CLASP2: variants seen among roughly 807,000 people sequenced by gnomAD.
The protein encoded by CLASP2 is cytoplasmic linker associated protein 2.
In CLASP2, 47 loss-of-function variants were observed where a neutral mutation model predicts 194.4. That is an observed-to-expected ratio of 0.24 (90% CI 0.19 to 0.31). CLASP2 has a LOEUF of 0.31. CLASP2 is among the 10% of genes least tolerant of loss of function. CLASP2 has a pLI of 1.00. For synonymous variants in CLASP2, 619 were observed against 633.5 expected, an observed-to-expected ratio of 0.98 and a Z score of 0.34; for missense variants, 1,445 against 1,823.6, an observed-to-expected ratio of 0.79 and a Z score of 3.78.
intron 1 of CLASP2, among the ~76,000 whole-genome samples, chr3:33,698,427 G>A (rs1025254726): frequency 4.7e-4 from 71 of 152,132 alleles, no homozygotes; most frequent in African/African-American, 1.6e-3. Flanking sequence ...TAAGACTGAA[G>A]CTAGACCAGA....
chr3:33,680,607 AAGACC>A (rs1167055585), intron 6 of CLASP2, among the ~76,000 whole-genome samples: 3 of 151,818 alleles, frequency 2.0e-5, no homozygotes, highest in African/African-American at 4.8e-5. Flanking sequence ...CCAGAAGTTA[AAGACC>A]AGCCTGGACA....
chr3:33,599,534 T>G (rs1054691845), intron 18 of CLASP2, among the ~76,000 whole-genome samples: 2 of 152,170 alleles, frequency 1.3e-5, no homozygotes, highest in African/African-American at 4.8e-5. Flanking sequence ...AACTTTTAGC[T>G]GCTCATCCTT....
At chr3:33,575,079 T>C (rs1401026433) in intron 24 of CLASP2, among the ~76,000 whole-genome samples, 1 of 152,136 alleles carries the variant, frequency 6.6e-6, no homozygotes, top group East Asian at 1.9e-4. Flanking sequence ...AAAACATGAT[T>C]TGAGATACAG....
intron 34 of CLASP2, among the ~76,000 whole-genome samples, chr3:33,522,563 T>C (rs188479655): frequency 1.2e-3 from 177 of 152,134 alleles, no homozygotes; most frequent in African/African-American, 4.0e-3. Flanking sequence ...AAAAAATAAA[T>C]AAACAGAAAC....
chr3:33,518,516 G>A (rs1429638071), intron 34 of CLASP2, among the ~76,000 whole-genome samples: 3 of 152,166 alleles, frequency 2.0e-5, no homozygotes, highest in African/African-American at 4.8e-5. Flanking sequence ...CACAGAGCAC[G>A]CTGCAGACCA....
chr3:33,573,076 G>C lies in CLASP2; in HGVS notation c.2699+34C>G, dbSNP rs780193945. ...AAGTAAAATCAAAAAGCGCTAACCT[G>C]ATAGTAAAATCATTTTAAGACAACG... On this transcript the variant is annotated intron_variant, in intron 25 of 38. Coordinates refer to ENST00000682230, the MANE Select transcript of CLASP2 (RefSeq NM_001365631.1). The C allele has an allele frequency of 3.1e-6, 5 of 1,610,620 alleles. No homozygotes were observed. The Admixed American group carries it at 8.4e-5, about 27-fold the overall frequency.
At chr3:33,616,361 A>C (rs943292146) in intron 12 of CLASP2, among the ~76,000 whole-genome samples, 1 of 152,196 alleles carries the variant, frequency 6.6e-6, no homozygotes, top group African/African-American at 2.4e-5. Context: ...TATTAACAAA[A>C]TATGTAAAAC....
intron 1 of CLASP2, among the ~76,000 whole-genome samples, chr3:33,703,871 T>C (rs2092530801): frequency 2.0e-5 from 3 of 152,236 alleles, no homozygotes; most frequent in Admixed American, 6.5e-5. Context: ...TGGATAAATA[T>C]GTAGTACATT....
intron 10 of CLASP2, 144 bp downstream of exon 10, chr3:33,626,844 A>C (rs1412179776): frequency 1.7e-6 from 1 of 585,466 alleles, no homozygotes; most frequent in African/African-American, 1.9e-5. Context: ...TATTATATCA[A>C]TATATTCTCC....
In CLASP2 at chr3:33,611,982, A is replaced by G; in HGVS notation, c.1388+19T>C. On this transcript the variant is annotated intron_variant, in intron 13 of 38. Coordinates refer to ENST00000682230, the MANE Select transcript of CLASP2 (RefSeq NM_001365631.1). ...TCAGAGCTATACTAACAACAACAAC[A>G]ACAAAAAATTAAACTTACCTCCTCA... The G allele has an allele frequency of 6.4e-7, 1 of 1,562,504 alleles. No individual in the cohort carries two copies. The highest frequency in any genetic ancestry group is 8.8e-7 in the Non-Finnish European group (1 of 1,137,848).
intron 21 of CLASP2, among the ~76,000 whole-genome samples, chr3:33,591,999 C>T (rs2068903546): frequency 6.6e-6 from 1 of 152,100 alleles, no homozygotes; most frequent in Non-Finnish European, 1.5e-5. Flanking sequence ...TCTACATTAG[C>T]AAGTTTCTGA....
intron 1 of CLASP2, among the ~76,000 whole-genome samples, chr3:33,717,437 C>CT (rs1167617021): frequency 6.6e-6 from 1 of 151,826 alleles, no homozygotes; most frequent in Non-Finnish European, 1.5e-5. Context: ...TTATTTTTTA[C>CT]TTTTTTTGAG....
At chr3:33,566,605 T>C (rs1290449041) in intron 27 of CLASP2, 127 bp downstream of exon 27, 4 of 313,628 alleles carry the variant, frequency 1.3e-5, no homozygotes, top group African/African-American at 6.7e-5. Flanking sequence ...TAACTGCAAA[T>C]AGCATTTCGT....
intron 20 of CLASP2, among the ~76,000 whole-genome samples, chr3:33,592,967 G>T (rs959137117): frequency 6.6e-6 from 1 of 152,182 alleles, no homozygotes; most frequent in Non-Finnish European, 1.5e-5. Context: ...TTAGGCAAAA[G>T]ATTTAATCTC....
chr3:33,587,132 T>A (rs1023400184), intron 21 of CLASP2, among the ~76,000 whole-genome samples: 1 of 152,058 alleles, frequency 6.6e-6, no homozygotes, highest in South Asian at 2.1e-4. Context: ...TTTTTTTCTT[T>A]CTTTTTTTTT....
intron 6 of CLASP2, among the ~76,000 whole-genome samples, chr3:33,676,553 C>T (rs1490829169): frequency 6.6e-6 from 1 of 151,052 alleles, no homozygotes; most frequent in African/African-American, 2.4e-5. Flanking sequence ...AAAATCAATT[C>T]AAGATGGATT....
chr3:33,544,503 A>T (rs1456838673), intron 31 of CLASP2, among the ~76,000 whole-genome samples, 195 bp downstream of exon 31: 1 of 152,176 alleles, frequency 6.6e-6, no homozygotes, highest in Non-Finnish European at 1.5e-5. Flanking sequence ...CACAAATTAT[A>T]ATATAATATA....
intron 29 of CLASP2, among the ~76,000 whole-genome samples, chr3:33,556,622 A>G (rs891386971): frequency 2.6e-5 from 4 of 151,866 alleles, no homozygotes; most frequent in African/African-American, 9.7e-5. Context: ...TTTTTAGTAG[A>G]GACATGGTTT....
intron 36 of CLASP2, among the ~76,000 whole-genome samples, chr3:33,512,585 A>G (rs1427517169): frequency 1.4e-5 from 2 of 140,948 alleles, no homozygotes; most frequent in South Asian, 4.6e-4. Context: ...AAAAAAAAAA[A>G]GAACACGTAA....
Sources: allele counts gnomAD v4.1 joint callset (sites outside exome capture counted in the v4.1 genomes callset), GRCh38; gene constraint gnomAD v4.1.1; transcripts MANE v1.5; gene names NCBI Gene and HGNC (gene_info 2026-07-23, HGNC 2026-07-21).